Variants in PIN1 observed in about 807,000 individuals in gnomAD.
PIN1 encodes peptidyl-prolyl cis-trans isomerase NIMA-interacting 1.
A neutral mutation model predicts 19.9 loss-of-function variants in PIN1; 8 were observed. The ratio of observed to expected loss-of-function variants is 0.40; its 90% CI spans 0.24 to 0.72. The LOEUF (loss-of-function observed/expected upper bound fraction) is 0.72. PIN1 is among the 30% of genes least tolerant of loss of function. The probability of loss-of-function intolerance (pLI) is 0.37; values close to 1 mark genes in which losing one functional copy is unlikely to be tolerated. For missense variants in PIN1, 185 were observed against 226.5 expected (o/e 0.82, Z 1.18); for synonymous variants, 86 against 90.8 (o/e 0.95, Z 0.30).
At chr19:9,843,000 TG>T (rs1355218662) in intron 2 of PIN1, among the ~76,000 whole-genome samples, 4 of 152,228 alleles carry the variant, frequency 2.6e-5, no homozygotes, top group Non-Finnish European at 5.9e-5. Context: ...TTCCCAGCAT[TG>T]GCTCCTCTGC....
chr19:9,845,949 G>C (rs2046216059), intron 2 of PIN1, among the ~76,000 whole-genome samples: 1 of 152,122 alleles, frequency 6.6e-6, no homozygotes, highest in Non-Finnish European at 1.5e-5. Context: ...GGTACCTCTG[G>C]GGGCACCGTG....
rs756366987 is a variant in PIN1, at chr19:9,849,363, C to G, written c.*164C>G. 8.4e-6 allele frequency: 6 copies of G among 710,410 alleles called. No homozygotes were observed. In the South Asian group the frequency reaches 8.8e-5, roughly 10 times the overall value. 44.0% of individuals were successfully genotyped at this position (710,410 alleles called of 1,614,324 possible). ...GAGGGGGCCCTTCCAGATTGGGGGC[C>G]CTGGGGTCCCCACTCCCTGTCCATC... On this transcript the variant is annotated 3_prime_UTR_variant, in exon 4 of 4. Coordinates refer to ENST00000247970, the MANE Select transcript of PIN1 (RefSeq NM_006221.4).
At chr19:9,836,942 C>T in intron 1 of PIN1, 1 of 865,982 alleles carries the variant, frequency 1.2e-6, no homozygotes, top group Non-Finnish European at 1.7e-6. Context: ...TAATGTGTGC[C>T]AGTTTCTGTC....
chr19:9,842,254 A>G (rs1216671775), intron 2 of PIN1, among the ~76,000 whole-genome samples: 1 of 152,112 alleles, frequency 6.6e-6, no homozygotes, highest in Non-Finnish European at 1.5e-5. Context: ...GTGATGGATT[A>G]GGTGGGCAAG....
At position 9,846,629 on chromosome 19, in the gene PIN1, G is replaced by C. The variant is rs192759057; in HGVS notation, c.272-1401G>C. On this transcript the variant is annotated intron_variant, in intron 2 of 3. Transcript: ENST00000247970. This position sits in a 1 kb window ranked among gnomAD's most constrained non-coding sequence, Gnocchi z 5.9. Reference sequence around the variant, plus strand: ...AGGGGCCCTGGGGACACTTGGATCAGTCCAGTGTGTTCAGCAGGTGCCACG... The same window carrying C: ...AGGGGCCCTGGGGACACTTGGATCACTCCAGTGTGTTCAGCAGGTGCCACG... Among the ~76,000 whole-genome samples, 2 of 152,192 alleles carry C rather than the reference G, an allele frequency of 1.3e-5. No individual in the cohort carries two copies. Among genetic ancestry groups the C allele is most frequent in the African/African-American group, 4.8e-5 (2 of 41,440 alleles).
Position 9,849,161 on chromosome 19 carries a change from A to C in PIN1, c.454A>C (p.Thr152Pro). ...GGGGGAGATGAGCGGGCCCGTGTTC[A>C]CGGATTCCGGCATCCACATCATCCT... is the stretch of plus-strand genomic sequence containing the variant. The part of the protein sequence containing the change: ...RTGEMSGPVF[T>P]DSGIHIILRT... Residue 152 changes from threonine to proline, a missense_variant, in exon 4 of 4, where the codon ACG becomes CCG. Transcript: ENST00000247970. The C allele has an allele frequency of 6.2e-7, 1 of 1,613,382 alleles. No individual in the cohort carries two copies. Among genetic ancestry groups the C allele is most frequent in the Non-Finnish European group, 8.5e-7 (1 of 1,179,678 alleles).
chr19:9,835,359 G>C lies in PIN1; in HGVS notation c.15G>C (p.Glu5Asp). MADE[E>D]KLPPGWEKRM... ...CAGGAGGGAAGATGGCGGACGAGGAGAAGCTGCCGCCCGGCTGGGAGAAGC... is the reference window on the plus strand; with the variant it reads ...CAGGAGGGAAGATGGCGGACGAGGACAAGCTGCCGCCCGGCTGGGAGAAGC... The change falls in exon 1 of 4, where the codon GAG (glutamate) becomes GAC (aspartate). Residue 5 changes from glutamate to aspartate, a missense_variant. Transcript: ENST00000247970. 3 of 1,523,224 alleles carry C rather than the reference G, an allele frequency of 2.0e-6. No individual in the cohort carries two copies. Among genetic ancestry groups the C allele is most frequent in the Non-Finnish European group, 2.6e-6 (3 of 1,141,994 alleles). 94.4% of individuals were successfully genotyped at this position (1,523,224 alleles called of 1,614,324 possible). A position where few individuals can be genotyped will look rare whatever the true frequency, so the allele number is the denominator to read the frequency against.
chr19:9,849,216 C>T lies in PIN1; in HGVS notation c.*17C>T. ...ACTGAGTGAGGGTGGGGAGCCCAGG[C>T]CTGGCCTCGGGGCAGGGCAGGGCGG... On this transcript the variant is annotated 3_prime_UTR_variant, in exon 4 of 4. Transcript: ENST00000247970. 2 of 1,572,824 alleles carry T rather than the reference C, an allele frequency of 1.3e-6. No homozygotes were observed. The highest frequency in any genetic ancestry group is 8.7e-7 in the Non-Finnish European group (1 of 1,148,042).
intron 2 of PIN1, among the ~76,000 whole-genome samples, chr19:9,839,989 G>A (rs2046148615): frequency 6.6e-6 from 1 of 152,148 alleles, no homozygotes. Flanking sequence ...GACAGAGCAA[G>A]ACCCTGTCTC....
At chr19:9,847,859 TG>T (rs1436401661) in intron 2 of PIN1, among the ~76,000 whole-genome samples, 170 bp from the exon 3 acceptor site, 24 of 152,198 alleles carry the variant, frequency 1.6e-4, no homozygotes, top group Admixed American at 3.9e-4. Context: ...TGACTGCGCA[TG>T]CAGGTATGTG....
In PIN1 at chr19:9,848,052, G is replaced by T; in HGVS notation, c.294G>T (p.Ser98=). 6.2e-7 allele frequency: 1 copy of T among 1,611,746 alleles called. No individual in the cohort carries two copies. Among genetic ancestry groups the T allele is most frequent in the Non-Finnish European group, 8.5e-7 (1 of 1,178,036 alleles). ...CAGGCTACATCCAGAAGATCAAGTC[G>T]GGAGAGGAGGACTTTGAGTCTCTGG... ...LINGYIQKIK[S]GEEDFESLAS... is the part of the protein sequence containing the mutation. Residue 98 remains serine (S), a synonymous_variant, in exon 3 of 4, where the codon TCG becomes TCT. Coordinates refer to ENST00000247970, the MANE Select transcript of PIN1 (RefSeq NM_006221.4).
intron 2 of PIN1, among the ~76,000 whole-genome samples, chr19:9,842,995 A>G (rs1292163265): frequency 6.6e-6 from 1 of 152,236 alleles, no homozygotes; most frequent in Non-Finnish European, 1.5e-5. Flanking sequence ...TCCTTTTCCC[A>G]GCATTGGCTC....
At chr19:9,836,843 T>C in intron 1 of PIN1, 1 of 1,287,090 alleles carries the variant, frequency 7.8e-7, no homozygotes, top group East Asian at 5.5e-5. Context: ...CAGGAAGCGT[T>C]ACCCACTGCT....
chr19:9,839,988 A>G (rs868043724), intron 2 of PIN1, among the ~76,000 whole-genome samples: 1 of 152,176 alleles, frequency 6.6e-6, no homozygotes, highest in South Asian at 2.1e-4. Context: ...TGACAGAGCA[A>G]GACCCTGTCT....
chr19:9,847,993 C>A (rs1568362089), intron 2 of PIN1, 37 bp from the exon 3 acceptor site: 1 of 1,375,942 alleles, frequency 7.3e-7, no homozygotes. Context: ...CCCCCCAACC[C>A]CTGACCTGGC....
Position 9,840,179 on chromosome 19 carries a change from G to A in PIN1, c.271+1531G>A, listed in dbSNP as rs188524658. Among the ~76,000 whole-genome samples, 5 of 152,278 alleles carry A rather than the reference G, an allele frequency of 3.3e-5. No individual in the cohort carries two copies. The East Asian group carries it at 9.7e-4, about 29-fold the overall frequency. On this transcript the variant is annotated intron_variant, in intron 2 of 3. Coordinates refer to ENST00000247970, the MANE Select transcript of PIN1 (RefSeq NM_006221.4). Reference sequence around the variant, plus strand: ...CAAGGTGGGTGGATCACGAAGTCAGGAGATCGAGACCATCCTGGCTAACAC... The same window carrying A: ...CAAGGTGGGTGGATCACGAAGTCAGAAGATCGAGACCATCCTGGCTAACAC...
At chr19:9,845,647 A>T (rs1186126654) in intron 2 of PIN1, among the ~76,000 whole-genome samples, 1 of 152,240 alleles carries the variant, frequency 6.6e-6, no homozygotes, top group African/African-American at 2.4e-5. Context: ...GCAGGCTCCC[A>T]TCATAGCAGA....
intron 1 of PIN1, chr19:9,836,023 C>G (rs1281435804): frequency 6.6e-6 from 1 of 152,308 alleles, no homozygotes; most frequent in Non-Finnish European, 1.5e-5. Context: ...GTAGTTATTA[C>G]TTCCACCTTA....
rs751238192 is a variant in PIN1, at chr19:9,849,131, C to T, written c.424C>T (p.Arg142Trp). Residue 142 changes from arginine (R) to tryptophan (W), a missense_variant, in exon 4 of 4, where the codon CGG becomes TGG. Physicochemically the swap from Arg to Trp is moderately radical, Grantham distance 101 (BLOSUM62 -3). Transcript: ENST00000247970. The part of the protein sequence containing the change: ...KPFEDASFAL[R>W]TGEMSGPVFT... ...ATTTGAAGACGCCTCGTTTGCGCTGCGGACGGGGGAGATGAGCGGGCCCGT... is the reference window on the plus strand; with the variant it reads ...ATTTGAAGACGCCTCGTTTGCGCTGTGGACGGGGGAGATGAGCGGGCCCGT... 2 of 1,613,676 alleles carry T rather than the reference C, an allele frequency of 1.2e-6. No homozygotes were observed. The highest frequency in any genetic ancestry group is 1.3e-5 in the African/African-American group (1 of 74,934).
Sources: allele counts gnomAD v4.1 joint callset (sites outside exome capture counted in the v4.1 genomes callset), GRCh38; gene constraint gnomAD v4.1.1; non-coding constraint Gnocchi (gnomAD v3.1); transcripts MANE v1.5; gene names NCBI Gene and HGNC (gene_info 2026-07-23, HGNC 2026-07-21).